Variants in GRB14 observed in about 807,000 individuals in gnomAD.
GRB14 encodes growth factor receptor bound protein 14.
GRB14 carries 38 observed loss-of-function variants against 69.1 expected under a neutral mutation model. The ratio of observed to expected loss-of-function variants is 0.55; its 90% CI spans 0.42 to 0.72. The LOEUF is 0.72. GRB14 is among the 30% of genes least tolerant of loss of function. The pLI, the probability that GRB14 is intolerant of heterozygous loss-of-function variation, is 0.00. For missense variants in GRB14, 666 were observed against 666.1 expected, an observed-to-expected ratio of 1.00 and a Z score of 0.00; for synonymous variants, 247 against 241.3, an observed-to-expected ratio of 1.02 and a Z score of -0.22.
chr2:164,618,401 G>T (rs760005148), intron 2 of GRB14, among the ~76,000 whole-genome samples: 1 of 151,882 alleles, frequency 6.6e-6, no homozygotes, highest in South Asian at 2.1e-4. Flanking sequence ...TTTTCCTTGG[G>T]ATCTGACTTT....
chr2:164,524,932 G>C, intron 5 of GRB14, 72 bp downstream of exon 5: 1 of 795,292 alleles, frequency 1.3e-6, no homozygotes, highest in Non-Finnish European at 2.0e-6. Context: ...ATCTGGGCAT[G>C]TATAAAAAAG....
intron 2 of GRB14, among the ~76,000 whole-genome samples, chr2:164,561,556 G>A (rs1280439324): frequency 6.6e-6 from 1 of 152,138 alleles, no homozygotes; most frequent in East Asian, 1.9e-4. Flanking sequence ...CTACAGGTGA[G>A]AGGACAAATT....
Position 164,527,040 on chromosome 2 carries a change from T to C in GRB14, c.577A>G (p.Lys193Glu). The part of the protein sequence containing the change: ...NKLYFRKNYA[K>E]YEFFKNPMYF... ...ATTGGGTTTTTAAAGAACTCATATT[T>C]GGCATAATTTTTTCTAAAGTATAGT... Residue 193 changes from lysine (K) to glutamate (E), a missense_variant, in exon 4 of 14, where the codon AAA (lysine) becomes GAA (glutamate). Lys to Glu is a moderately conservative substitution (Grantham distance 56). Coordinates refer to ENST00000263915, the MANE Select transcript of GRB14 (RefSeq NM_004490.3). 2 of 1,600,506 alleles carry C rather than the reference T, an allele frequency of 1.2e-6. No individual in the cohort carries two copies. The highest frequency in any genetic ancestry group is 1.7e-6 in the Non-Finnish European group (2 of 1,170,110).
intron 3 of GRB14, among the ~76,000 whole-genome samples, chr2:164,535,028 C>T (rs993043801): frequency 6.6e-6 from 1 of 152,080 alleles, no homozygotes; most frequent in African/African-American, 2.4e-5. Flanking sequence ...TGTCAACTAC[C>T]ACTCATATGT....
chr2:164,609,606 T>A (rs1320044699), intron 2 of GRB14, among the ~76,000 whole-genome samples: 1 of 152,212 alleles, frequency 6.6e-6, no homozygotes, highest in African/African-American at 2.4e-5. Context: ...ATTACATAAA[T>A]TCAGTGCTTT....
intron 6 of GRB14, 80 bp from the exon 7 acceptor site, chr2:164,508,932 T>C (rs140263971): frequency 5.8e-5 from 52 of 895,108 alleles, no homozygotes; most frequent in Middle Eastern, 6.1e-4. Flanking sequence ...ATTTATACCT[T>C]GGGCAAAAAC....
rs74406860 is a variant in GRB14, at chr2:164,608,850, C to G, written c.324+10837G>C. 1.6e-4 allele frequency among the ~76,000 whole-genome samples: 24 copies of G among 151,986 alleles called. 2 individuals carry two copies. In the East Asian group the frequency reaches 3.7e-3, roughly 23 times the overall value. On this transcript the variant is annotated intron_variant, in intron 2 of 13. Coordinates refer to ENST00000263915, the MANE Select transcript of GRB14 (RefSeq NM_004490.3). ...ACATGCACATTAAAAAATAAATAGTCCAGTAGCTGGCATATCATTTTTTAG... is the reference window on the plus strand; with the variant it reads ...ACATGCACATTAAAAAATAAATAGTGCAGTAGCTGGCATATCATTTTTTAG...
At chr2:164,613,007 C>T (rs7590013) in intron 2 of GRB14, among the ~76,000 whole-genome samples, 1 of 152,052 alleles carries the variant, frequency 6.6e-6, no homozygotes, top group African/African-American at 2.4e-5. Context: ...TGGGAAGGAA[C>T]CTGAGTTGGT....
intron 2 of GRB14, among the ~76,000 whole-genome samples, chr2:164,569,142 T>G (rs903892727): frequency 1.3e-5 from 2 of 152,184 alleles, no homozygotes; most frequent in Non-Finnish European, 2.9e-5. Flanking sequence ...ATGTGTGTGA[T>G]GTAGCATATT....
chr2:164,616,447 AAAAG>A (rs1690299471), intron 2 of GRB14, among the ~76,000 whole-genome samples: 2 of 151,576 alleles, frequency 1.3e-5, no homozygotes, highest in Non-Finnish European at 2.9e-5. Context: ...AAAAAAAAAA[AAAAG>A]AATATGGATT....
At chr2:164,589,984 T>C (rs753622431) in intron 2 of GRB14, among the ~76,000 whole-genome samples, 3 of 152,080 alleles carry the variant, frequency 2.0e-5, no homozygotes, top group Admixed American at 6.5e-5. Context: ...GCTAGCTAGC[T>C]CTCAGGTCCC....
chr2:164,608,708 G>A (rs1690098962), intron 2 of GRB14, among the ~76,000 whole-genome samples: 1 of 151,974 alleles, frequency 6.6e-6, no homozygotes, highest in African/African-American at 2.4e-5. Context: ...TTCACCATTG[G>A]GTTTCAGCTT....
intron 9 of GRB14, among the ~76,000 whole-genome samples, chr2:164,498,191 A>C (rs994307665): frequency 1.3e-5 from 2 of 152,156 alleles, no homozygotes; most frequent in African/African-American, 4.8e-5. Context: ...ATACATTTTC[A>C]TCTTGTGAGA....
At chr2:164,544,317 G>C (rs1178231815) in intron 3 of GRB14, among the ~76,000 whole-genome samples, 2 of 152,050 alleles carry the variant, frequency 1.3e-5, no homozygotes, top group African/African-American at 4.8e-5. Context: ...AGTGTTCTCA[G>C]GGAAAAACAC....
At chr2:164,547,223 G>A (rs1688402905) in intron 3 of GRB14, among the ~76,000 whole-genome samples, 1 of 152,168 alleles carries the variant, frequency 6.6e-6, no homozygotes, top group South Asian at 2.1e-4. Context: ...GAACCAGTTA[G>A]TGACCCCAGC....
chr2:164,524,647 A>C (rs1161763214), intron 5 of GRB14, among the ~76,000 whole-genome samples: 1 of 152,106 alleles, frequency 6.6e-6, no homozygotes, highest in Non-Finnish European at 1.5e-5. Context: ...GATACTGAGT[A>C]TCTATTGGTA....
In GRB14 at chr2:164,602,512, T is replaced by C. The variant is rs189167056; in HGVS notation, c.324+17175A>G. 1.2e-4 allele frequency among the ~76,000 whole-genome samples: 18 copies of C among 152,302 alleles called. No individual in the cohort carries two copies. The East Asian group carries it at 3.3e-3, about 28-fold the overall frequency. ...ACAAACTTGGTTTACACGTACTTCATAAGAAAGCATTATAAAAGGATTTTA... is the reference window on the plus strand; with the variant it reads ...ACAAACTTGGTTTACACGTACTTCACAAGAAAGCATTATAAAAGGATTTTA... On this transcript the variant is annotated intron_variant, in intron 2 of 13. Coordinates refer to ENST00000263915, the MANE Select transcript of GRB14 (RefSeq NM_004490.3).
chr2:164,613,926 G>A (rs572163264), intron 2 of GRB14, among the ~76,000 whole-genome samples: 1 of 152,294 alleles, frequency 6.6e-6, no homozygotes, highest in African/African-American at 2.4e-5. Context: ...GAGATTAAGA[G>A]TAGCACTGAT....
rs538192811 is a variant in GRB14, at chr2:164,520,174, G to A, written c.816+1806C>T. Among the ~76,000 whole-genome samples, 17 of 151,896 alleles carry A rather than the reference G, an allele frequency of 1.1e-4. No homozygotes were observed. In the East Asian group the frequency reaches 1.5e-3, roughly 14 times the overall value. On this transcript the variant is annotated intron_variant, in intron 6 of 13. Coordinates refer to ENST00000263915, the MANE Select transcript of GRB14 (RefSeq NM_004490.3). ...CTGGTATAAAAATAGGCACATAGAC[G>A]AATGGAACAGAATACAGAAATAAAG...
Sources: allele counts gnomAD v4.1 joint callset (sites outside exome capture counted in the v4.1 genomes callset), GRCh38; gene constraint gnomAD v4.1.1; transcripts MANE v1.5; gene names NCBI Gene and HGNC (gene_info 2026-07-23, HGNC 2026-07-21).